Variants in ANKRD27 observed in about 807,000 individuals in gnomAD.
ANKRD27 encodes ankyrin repeat domain-containing protein 27.
ANKRD27 carries 112 observed loss-of-function variants against 129.7 expected under a neutral mutation model. The ratio of observed to expected loss-of-function variants is 0.86; its 90% CI spans 0.74 to 1.01. The LOEUF (loss-of-function observed/expected upper bound fraction) is 1.01, where lower values mean the gene tolerates loss of function less well. ANKRD27 is among the 50% of genes least tolerant of loss of function. The probability of loss-of-function intolerance (pLI) is 0.00; values close to 1 mark genes in which losing one functional copy is unlikely to be tolerated. For synonymous variants in ANKRD27, 516 were observed against 511.2 expected (o/e 1.01, Z -0.13); for missense variants, 1,258 against 1,300.5 (o/e 0.97, Z 0.50).
At chr19:32,650,690 A>AT (rs1341645149) in intron 2 of ANKRD27, among the ~76,000 whole-genome samples, 2 of 151,734 alleles carry the variant, frequency 1.3e-5, no homozygotes, top group African/African-American at 4.8e-5. Context: ...AAAAAAAAAA[A>AT]AAAAAAAAGA....
chr19:32,630,760 A>AGCTAGGACTACAGGTGCCC lies in ANKRD27; in HGVS notation c.1209+623_1209+641dup, dbSNP rs1159663579. On this transcript the variant is annotated intron_variant, in intron 13 of 28. Coordinates refer to ENST00000306065, the MANE Select transcript of ANKRD27 (RefSeq NM_032139.3). ...ATCCTTCCACCTCAGCCTCCTGAGC[A>AGCTAGGACTACAGGTGCCC]GCTAGGACTACAGGTGCCCGCCACC... Among the ~76,000 whole-genome samples, 4 of 152,136 alleles carry AGCTAGGACTACAGGTGCCC rather than the reference A, an allele frequency of 2.6e-5. No homozygotes were observed. The South Asian group carries it at 6.2e-4, about 24-fold the overall frequency.
chr19:32,619,350 C>T lies in ANKRD27; in HGVS notation c.1917G>A (p.Val639=). 6.2e-7 allele frequency: 1 copy of T among 1,613,526 alleles called. No homozygotes were observed. The part of the protein sequence containing the change: ...EAPVQSPQRS[V]DSISQESSTS... ...TGGAGGACTCTTGGCTGATGGAGTC[C>T]ACGGAGCGCTGCGGGGACTGCACAG... Residue 639 remains valine, a synonymous_variant, in exon 20 of 29, where the codon GTG becomes GTA. Transcript: ENST00000306065.
intron 12 of ANKRD27, among the ~76,000 whole-genome samples, chr19:32,634,081 T>C (rs1333213513): frequency 6.6e-6 from 1 of 152,060 alleles, no homozygotes; most frequent in African/African-American, 2.4e-5. Flanking sequence ...GCAGAGAAAA[T>C]TTCCATGAAA....
At chr19:32,672,363 C>T (rs1312977333) in intron 1 of ANKRD27, among the ~76,000 whole-genome samples, 1 of 152,172 alleles carries the variant, frequency 6.6e-6, no homozygotes, top group African/African-American at 2.4e-5. Context: ...AGATCCTGTC[C>T]ATATTCTTCT....
chr19:32,671,411 T>C (rs1484516969), intron 1 of ANKRD27, among the ~76,000 whole-genome samples: 1 of 152,154 alleles, frequency 6.6e-6, no homozygotes, highest in East Asian at 1.9e-4. Context: ...AAGAATTAGT[T>C]TGCTGGCTGG....
chr19:32,602,278 T>C (rs1971665290), intron 25 of ANKRD27, 152 bp from the exon 26 acceptor site: 3 of 593,608 alleles, frequency 5.1e-6, no homozygotes, highest in Non-Finnish European at 8.8e-6. Context: ...TAAAGCCCAG[T>C]GGTAAAAGCA....
At chr19:32,619,919 C>G (rs975472772) in intron 18 of ANKRD27, among the ~76,000 whole-genome samples, 8 of 152,250 alleles carry the variant, frequency 5.3e-5, no homozygotes, top group African/African-American at 1.9e-4. Context: ...TGAGGTGTGG[C>G]CTTTCCTCTA....
chr19:32,635,262 G>C (rs1221870379), intron 12 of ANKRD27, among the ~76,000 whole-genome samples: 3 of 152,184 alleles, frequency 2.0e-5, no homozygotes, highest in Admixed American at 2.0e-4. Flanking sequence ...TGAACTCTCA[G>C]ACCAATCTGT....
chr19:32,657,774 G>T (rs556745018), intron 2 of ANKRD27, among the ~76,000 whole-genome samples: 15 of 152,036 alleles, frequency 9.9e-5, no homozygotes, highest in Non-Finnish European at 2.1e-4. Context: ...GGGAGTTCGG[G>T]ACCAGCCTGG....
chr19:32,637,030 G>A (rs980443173), intron 12 of ANKRD27, among the ~76,000 whole-genome samples: 4 of 152,136 alleles, frequency 2.6e-5, no homozygotes, highest in African/African-American at 7.2e-5. Flanking sequence ...TTACAGGCGT[G>A]AGCCACCGTG....
At chr19:32,628,491 A>G (rs1751578989) in intron 14 of ANKRD27, among the ~76,000 whole-genome samples, 2 of 152,242 alleles carry the variant, frequency 1.3e-5, no homozygotes, top group South Asian at 4.1e-4. Flanking sequence ...GGCAGGCCCT[A>G]TAACCAGCCT....
rs572459234 is a variant in ANKRD27, at chr19:32,668,739, C to T, written c.-31+6332G>A. On this transcript the variant is annotated intron_variant, in intron 1 of 28. Coordinates refer to ENST00000306065, the MANE Select transcript of ANKRD27 (RefSeq NM_032139.3). ...TGCTGAGATTACAGGCGTGAGCCAC[C>T]GTGCCCAGCTAATTTTTTAATTTTC... Among the ~76,000 whole-genome samples, 35 of 151,974 alleles carry T rather than the reference C, an allele frequency of 2.3e-4. No individual in the cohort carries two copies. In the South Asian group the frequency reaches 6.9e-3, roughly 30 times the overall value.
At chr19:32,605,410 C>T (rs8113165) in intron 24 of ANKRD27, among the ~76,000 whole-genome samples, 29,255 of 152,120 alleles carry the variant, frequency 0.19, 3,548 homozygotes, top group African/African-American at 0.33. Flanking sequence ...ACACATTTGT[C>T]AAAAGTCCAC....
intron 22 of ANKRD27, among the ~76,000 whole-genome samples, chr19:32,611,645 G>T (rs745688329): frequency 6.6e-6 from 1 of 152,100 alleles, no homozygotes; most frequent in East Asian, 1.9e-4. Context: ...GCAATGGCAC[G>T]ATCTCGGCTC....
In ANKRD27 at chr19:32,639,551, T is replaced by A. The variant is rs1376028841; in HGVS notation, c.984-63A>T. ...CCAAGTCACACTTCTGCAAAAAAAATATCATTGGCTTGGGCAACTGATCAA... is the reference window on the plus strand; with the variant it reads ...CCAAGTCACACTTCTGCAAAAAAAAAATCATTGGCTTGGGCAACTGATCAA... On this transcript the variant is annotated intron_variant, in intron 11 of 28. Coordinates refer to ENST00000306065, the MANE Select transcript of ANKRD27 (RefSeq NM_032139.3). The A allele has an allele frequency of 5.8e-6, 9 of 1,548,856 alleles. 1 individual carries two copies. Among genetic ancestry groups the A allele is most frequent in the African/African-American group, 2.7e-5 (2 of 73,132 alleles).
At chr19:32,622,772 A>AT (rs11413532) in intron 17 of ANKRD27, among the ~76,000 whole-genome samples, 153 bp from the exon 18 acceptor site, 4,728 of 147,424 alleles carry the variant, frequency 0.032, 236 homozygotes, top group African/African-American at 0.11. Context: ...ATTCTCATTC[A>AT]TTTTTTTTTT....
intron 3 of ANKRD27, among the ~76,000 whole-genome samples, chr19:32,648,628 G>A (rs1321608058): frequency 6.6e-6 from 1 of 151,972 alleles, no homozygotes; most frequent in Non-Finnish European, 1.5e-5. Flanking sequence ...GTGAAACCTC[G>A]TCTCTACTAA....
At chr19:32,620,512 T>C (rs1971992652) in intron 18 of ANKRD27, among the ~76,000 whole-genome samples, 1 of 149,400 alleles carries the variant, frequency 6.7e-6, no homozygotes, top group Non-Finnish European at 1.5e-5. Flanking sequence ...GAAGTTGCAG[T>C]GAGCCAAGAT....
At chr19:32,600,146 T>G in intron 26 of ANKRD27, 96 bp from the exon 27 acceptor site, 1 of 961,086 alleles carries the variant, frequency 1.0e-6, no homozygotes, top group South Asian at 1.6e-5. Flanking sequence ...ATTCTCAGAT[T>G]TACAAAATTT....
Sources: gnomAD v4.1 joint callset for allele counts (sites outside exome capture counted in the v4.1 genomes callset) on GRCh38, gnomAD v4.1.1 for gene constraint, MANE v1.5 for transcripts, NCBI Gene and HGNC (gene_info 2026-07-23, HGNC 2026-07-21) for gene names.